The following PGPEP1L variants were observed in gnomAD, a reference collection of about 807,000 sequenced individuals.
The protein encoded by PGPEP1L is pyroglutamyl-peptidase I like.
PGPEP1L carries 7 observed loss-of-function variants against 6.0 expected under a neutral mutation model. The ratio of observed to expected loss-of-function variants is 1.17; its 90% CI spans 0.66 to 2.19. The LOEUF (loss-of-function observed/expected upper bound fraction) is 2.19. PGPEP1L is among the 30% of genes most tolerant of loss of function. PGPEP1L has a pLI of 0.00. For missense variants in PGPEP1L, 209 were observed against 192.5 expected (o/e 1.09, Z -0.51); for synonymous variants, 103 against 83.9 (o/e 1.23, Z -1.24).
intron 2 of PGPEP1L, among the ~76,000 whole-genome samples, chr15:98,984,257 ACCGTGGCCTCC>A (rs1404805231): frequency 1.3e-5 from 2 of 151,928 alleles, no homozygotes; most frequent in Non-Finnish European, 2.9e-5. Flanking sequence ...TGAACCACCC[ACCGTGGCCTCC>A]CAAAGTGCTG....
intron 2 of PGPEP1L, among the ~76,000 whole-genome samples, chr15:98,996,214 A>T (rs924319606): frequency 2.6e-5 from 4 of 152,218 alleles, no homozygotes; most frequent in Non-Finnish European, 2.9e-5. Flanking sequence ...TTCTCTGTAT[A>T]TTTGGTGATC....
intron 4 of PGPEP1L, 136 bp downstream of exon 4, chr15:98,969,289 G>A (rs1445683785): frequency 9.4e-7 from 1 of 1,062,374 alleles, no homozygotes; most frequent in Non-Finnish European, 1.4e-6. Context: ...CAGCAAAGAG[G>A]GGCAATCTGG....
At chr15:98,978,720 ATATATATTT>A (rs2017607034) in intron 2 of PGPEP1L, among the ~76,000 whole-genome samples, 1 of 39,338 alleles carries the variant, frequency 2.5e-5, no homozygotes, top group African/African-American at 7.3e-5. Context: ...ATATATATAT[ATATATATTT>A]TTTTTTTTTT....
intron 2 of PGPEP1L, among the ~76,000 whole-genome samples, chr15:98,978,085 A>G (rs765713572): frequency 1.3e-5 from 2 of 152,222 alleles, no homozygotes; most frequent in East Asian, 1.9e-4. Flanking sequence ...TGGCTCCCCA[A>G]CCATTTCCCC....
intron 2 of PGPEP1L, among the ~76,000 whole-genome samples, chr15:98,980,120 AATC>A (rs1657901633): frequency 6.6e-6 from 1 of 152,164 alleles, no homozygotes; most frequent in Non-Finnish European, 1.5e-5. Flanking sequence ...AAATCTCACA[AATC>A]ACCACTAAAG....
chr15:99,001,171 G>C, intron 2 of PGPEP1L: 1 of 445,982 alleles, frequency 2.2e-6, no homozygotes, highest in Non-Finnish European at 4.5e-6. Flanking sequence ...CCGCCTTTAA[G>C]AACTGTAACA....
Position 98,969,642 on chromosome 15 carries a change from G to A in PGPEP1L, c.-9C>T. On this transcript the variant is annotated 5_prime_UTR_variant, in exon 4 of 5. Transcript: ENST00000535714. ...TTGGCGGCGGTGTCCATGCCCACATGCACGACGAGCTGTGTGAACGGGTAA... is the reference window on the plus strand; with the variant it reads ...TTGGCGGCGGTGTCCATGCCCACATACACGACGAGCTGTGTGAACGGGTAA... 6.2e-7 allele frequency: 1 copy of A among 1,611,146 alleles called. No homozygotes were observed. Among genetic ancestry groups the A allele is most frequent in the Non-Finnish European group, 8.5e-7 (1 of 1,179,828 alleles).
Position 98,971,063 on chromosome 15 carries a change from G to A in PGPEP1L, c.-46C>T, listed in dbSNP as rs772698240. ...GCGGCTGATGATCTTCCCAGATTCCGGTGACCCTCCGCTTAGCCTCCCTGT... is the reference window on the plus strand; with the variant it reads ...GCGGCTGATGATCTTCCCAGATTCCAGTGACCCTCCGCTTAGCCTCCCTGT... On this transcript the variant is annotated 5_prime_UTR_variant, in exon 3 of 5. Coordinates refer to ENST00000535714, the MANE Select transcript of PGPEP1L (RefSeq NM_001167902.2). The A allele has an allele frequency of 1.5e-5, 24 of 1,613,618 alleles. No individual in the cohort carries two copies. The highest frequency in any genetic ancestry group is 4.5e-5 in the East Asian group (2 of 44,862).
intron 2 of PGPEP1L, among the ~76,000 whole-genome samples, chr15:98,996,378 A>AC (rs1257720043): frequency 1.3e-5 from 2 of 151,672 alleles, no homozygotes; most frequent in African/African-American, 2.4e-5. Context: ...TTTCATCTCC[A>AC]CCCCCCTTGC....
At chr15:98,999,069 G>C (rs1201377053) in intron 2 of PGPEP1L, among the ~76,000 whole-genome samples, 1 of 152,108 alleles carries the variant, frequency 6.6e-6, no homozygotes, top group Non-Finnish European at 1.5e-5. Context: ...ACCAAAAGCA[G>C]GCTGCATAAC....
At chr15:98,999,779 T>TG (rs1388597300) in intron 2 of PGPEP1L, among the ~76,000 whole-genome samples, 1 of 152,236 alleles carries the variant, frequency 6.6e-6, no homozygotes, top group East Asian at 1.9e-4. Context: ...GTCCATCAAC[T>TG]GATGAATGGC....
intron 2 of PGPEP1L, among the ~76,000 whole-genome samples, chr15:98,996,572 G>T (rs1396162422): frequency 6.6e-6 from 1 of 151,708 alleles, no homozygotes; most frequent in African/African-American, 2.4e-5. Context: ...GGGTGTGCAT[G>T]CATGTATTAT....
At chr15:98,974,725 C>T (rs916272715) in intron 2 of PGPEP1L, among the ~76,000 whole-genome samples, 1 of 152,178 alleles carries the variant, frequency 6.6e-6, no homozygotes. Flanking sequence ...GGTGAAACCC[C>T]ATCTCCACTA....
intron 2 of PGPEP1L, among the ~76,000 whole-genome samples, chr15:98,984,033 T>TCC (rs1491091964): frequency 7.5e-6 from 1 of 133,602 alleles, no homozygotes; most frequent in Non-Finnish European, 1.5e-5. Flanking sequence ...TTTTTTTTTT[T>TCC]CTATTTTGAG....
intron 2 of PGPEP1L, chr15:98,998,295 G>A (rs2017915688): frequency 6.6e-6 from 1 of 152,424 alleles, no homozygotes; most frequent in East Asian, 1.9e-4. Context: ...TTGGGCCCTA[G>A]GGATCTTTGC....
Position 99,001,535 on chromosome 15 carries a change from G to A in PGPEP1L, c.-142+3894C>T, listed in dbSNP as rs147103551. Among the ~76,000 whole-genome samples the A allele has an allele frequency of 3.0e-3, 452 of 152,206 alleles. 1 individual carries two copies. Among genetic ancestry groups the A allele is most frequent in the Admixed American group, 0.021 (323 of 15,284 alleles). ...TATACTGAGCCACTGAATGTTACTCGCTTTAAATGAGTAAATGGTATAGCA... is the reference window on the plus strand; with the variant it reads ...TATACTGAGCCACTGAATGTTACTCACTTTAAATGAGTAAATGGTATAGCA... On this transcript the variant is annotated intron_variant, in intron 2 of 4. Coordinates refer to ENST00000535714, the MANE Select transcript of PGPEP1L (RefSeq NM_001167902.2).
intron 2 of PGPEP1L, among the ~76,000 whole-genome samples, chr15:98,985,192 C>A (rs2017729963): frequency 6.6e-6 from 1 of 152,198 alleles, no homozygotes; most frequent in Admixed American, 6.5e-5. Context: ...ACTATCCTCA[C>A]TTCGCTCACC....
At chr15:98,996,112 T>C (rs767774452) in intron 2 of PGPEP1L, among the ~76,000 whole-genome samples, 1 of 152,244 alleles carries the variant, frequency 6.6e-6, no homozygotes, top group Non-Finnish European at 1.5e-5. Flanking sequence ...AAGTATTTCA[T>C]ATGTAGTTAT....
chr15:98,997,448 T>C lies in PGPEP1L; in HGVS notation c.-142+7981A>G, dbSNP rs191076795. ...CGGAGGCATGAAATTGATGGCCAAG[T>C]GTGAATAAGCAGTTGGCGGTGTGTC... On this transcript the variant is annotated intron_variant, in intron 2 of 4. Coordinates refer to ENST00000535714, the MANE Select transcript of PGPEP1L (RefSeq NM_001167902.2). 2.1e-3 allele frequency among the ~76,000 whole-genome samples: 316 copies of C among 152,206 alleles called. 1 individual carries two copies. The highest frequency in any genetic ancestry group is 8.1e-3 in the Admixed American group (124 of 15,296).
Sources: allele counts gnomAD v4.1 joint callset (sites outside exome capture counted in the v4.1 genomes callset), GRCh38; gene constraint gnomAD v4.1.1; transcripts MANE v1.5; gene names NCBI Gene and HGNC (gene_info 2026-07-23, HGNC 2026-07-21).